CHD8: variants seen among roughly 807,000 people sequenced by gnomAD.
CHD8 encodes chromodomain helicase DNA binding protein 8.
In CHD8, 31 loss-of-function variants were observed where a neutral mutation model predicts 279.2. The observed-to-expected ratio is 0.11, with a 90% CI of 0.08 to 0.15. The LOEUF is 0.15. Among genes scored for constraint, CHD8 ranks in the 10% least tolerant of loss-of-function variants. The pLI, the probability that CHD8 is intolerant of heterozygous loss-of-function variation, is 1.00. For missense variants in CHD8, 2,146 were observed against 3,230.5 expected (o/e 0.66, Z 8.14); for synonymous variants, 1,081 against 1,139.6 (o/e 0.95, Z 1.04).
chr14:21,447,907 C>T (rs746501238), intron 1 of CHD8, among the ~76,000 whole-genome samples: 2 of 152,110 alleles, frequency 1.3e-5, no homozygotes, highest in Non-Finnish European at 2.9e-5. Context: ...AAATAATACT[C>T]TCTGTTCTAG....
intron 1 of CHD8, among the ~76,000 whole-genome samples, chr14:21,440,622 T>C (rs1014163716): frequency 2.0e-5 from 3 of 152,152 alleles, no homozygotes; most frequent in Admixed American, 1.3e-4. Flanking sequence ...AAACAAAGCA[T>C]AGCAATGAGA....
chr14:21,391,147 T>C (rs1327659231), intron 36 of CHD8, 84 bp from the exon 37 acceptor site: 1 of 907,362 alleles, frequency 1.1e-6, no homozygotes, highest in Non-Finnish European at 1.7e-6. Flanking sequence ...TTTTGTTTGA[T>C]AATAAACACT....
At chr14:21,414,178 T>C in intron 9 of CHD8, 123 bp downstream of exon 9, 1 of 612,488 alleles carries the variant, frequency 1.6e-6, no homozygotes, top group East Asian at 2.8e-5. Flanking sequence ...TGACCAAAAT[T>C]GAAAGTTTAC....
chr14:21,431,322 G>A lies in CHD8; in HGVS notation c.322C>T (p.Pro108Ser). The stretch of plus-strand genomic sequence containing the variant: ...GTTGGCGTCGATGTCTGTAAGACAG[G>A]TTGGGCTGGCTGCTCCTGGCTGGCA... Reference protein sequence around the residue: ...QPASQEQPAQPVLQTSTPTSG... With the variant: ...QPASQEQPAQSVLQTSTPTSG... The change falls in exon 2 of 38, where the codon CCT (proline) becomes TCT (serine). Residue 108 changes from proline (P) to serine (S), a missense_variant. Coordinates refer to ENST00000646647, the MANE Select transcript of CHD8 (RefSeq NM_001170629.2). 2 of 1,546,134 alleles carry A rather than the reference G, an allele frequency of 1.3e-6. No individual in the cohort carries two copies. The highest frequency in any genetic ancestry group is 1.7e-6 in the Non-Finnish European group (2 of 1,152,146).
Position 21,394,257 on chromosome 14 carries a change from C to G in CHD8, c.5599+20G>C. 6.2e-7 allele frequency: 1 copy of G among 1,613,774 alleles called. No individual in the cohort carries two copies. Among genetic ancestry groups the G allele is most frequent in the South Asian group, 1.1e-5 (1 of 91,062 alleles). Reference sequence around the variant, plus strand: ...GCTTCTGTTGGCATCCATCCTCACCCACTCTGCAATCTTGCTTACCATCTC... The same window carrying G: ...GCTTCTGTTGGCATCCATCCTCACCGACTCTGCAATCTTGCTTACCATCTC... On this transcript the variant is annotated intron_variant, in intron 31 of 37. Transcript: ENST00000646647.
intron 5 of CHD8, among the ~76,000 whole-genome samples, chr14:21,419,130 CTTTCT>C (rs1420005679): frequency 6.6e-6 from 1 of 152,142 alleles, no homozygotes; most frequent in East Asian, 1.9e-4. Context: ...CTAGAAGATA[CTTTCT>C]ACTTTTTACT....
rs1399229260 is a variant in CHD8 at position 21,399,218 on chromosome 14, T to C, written c.4921+384A>G. On this transcript the variant is annotated intron_variant, in intron 26 of 37. Transcript: ENST00000646647. The stretch of plus-strand genomic sequence containing the variant: ...ACTGCGACAAGATGATCTGCTGCAA[T>C]TGTTATGCTAGTGCACATCCAGAGG... 5 of 298,826 alleles carry C rather than the reference T, an allele frequency of 1.7e-5. No homozygotes were observed. The Admixed American group carries it at 2.3e-4, about 14-fold the overall frequency. 18.5% of individuals were successfully genotyped at this position (298,826 alleles called of 1,614,324 possible).
At chr14:21,435,092 AAAAGAG>A (rs912910939) in intron 1 of CHD8, among the ~76,000 whole-genome samples, 2 of 152,234 alleles carry the variant, frequency 1.3e-5, no homozygotes, top group Non-Finnish European at 2.9e-5. Flanking sequence ...ACCAGTCCCC[AAAAGAG>A]AAACACATGT....
At chr14:21,411,796 C>T (rs1458747500) in intron 10 of CHD8, among the ~76,000 whole-genome samples, 1 of 152,232 alleles carries the variant, frequency 6.6e-6, no homozygotes, top group Non-Finnish European at 1.5e-5. Context: ...GCGTAGGCGG[C>T]TCACGCCCGT....
intron 16 of CHD8, chr14:21,404,960 T>C: frequency 2.1e-6 from 1 of 470,174 alleles, no homozygotes; most frequent in Non-Finnish European, 3.8e-6. Context: ...GTCTCCAAAG[T>C]AGCTAGAACC....
rs986230099 is a variant in CHD8, at chr14:21,431,572, G to A, written c.72C>T (p.Ser24=). The A allele has an allele frequency of 3.3e-6, 5 of 1,537,110 alleles. No individual in the cohort carries two copies. In the African/African-American group the frequency reaches 6.8e-5, roughly 21 times the overall value. ...LFGLDSLTDD[S]FNQVTQDPIE... is the part of the protein sequence containing the mutation. ...TGGGGTCTTGTGTGACCTGGTTAAA[G>A]CTGTCATCAGTCAGAGAGTCCAGGC... is the stretch of plus-strand genomic sequence containing the variant. The change falls in exon 2 of 38, where the codon AGC becomes AGT. Residue 24 remains serine, a synonymous_variant. Coordinates refer to ENST00000646647, the MANE Select transcript of CHD8 (RefSeq NM_001170629.2).
At chr14:21,399,262 T>C in intron 26 of CHD8, 1 of 302,524 alleles carries the variant, frequency 3.3e-6, no homozygotes, top group South Asian at 3.3e-5. Flanking sequence ...ATAAATTAAG[T>C]GTGATTATTA....
intron 1 of CHD8, chr14:21,436,784 G>A: frequency 2.6e-6 from 1 of 387,940 alleles, no homozygotes; most frequent in Non-Finnish European, 5.0e-6. Flanking sequence ...GGGTAAAGAA[G>A]AAACTAGAGA....
intron 7 of CHD8, 98 bp downstream of exon 7, chr14:21,415,476 G>T: frequency 1.5e-6 from 1 of 668,796 alleles, no homozygotes. Context: ...CTGCACTTTA[G>T]CCTGGGTAAC....
At chr14:21,442,527 T>G (rs1038556692) in intron 1 of CHD8, among the ~76,000 whole-genome samples, 1 of 151,152 alleles carries the variant, frequency 6.6e-6, no homozygotes, top group African/African-American at 2.4e-5. Context: ...TGGTCTCAGC[T>G]ACTTGGGAGG....
Position 21,403,586 on chromosome 14 carries a change from C to T in CHD8, c.3385G>A (p.Val1129Ile). The T allele has an allele frequency of 6.2e-7, 1 of 1,612,208 alleles. No homozygotes were observed. Among genetic ancestry groups the T allele is most frequent in the Non-Finnish European group, 8.5e-7 (1 of 1,179,086 alleles). ...IPHDFHLQAM[V>I]RSAGKLVLID... ...AGAACCAGTTTGCCGGCTGAACGAA[C>T]CATGGCCTGCAGGTGAAAGTCATGA... is the stretch of plus-strand genomic sequence containing the variant. The change falls in exon 17 of 38, where the codon GTT becomes ATT. Residue 1129 changes from valine (V) to isoleucine (I), a missense_variant. This residue lies in a region of CHD8 where 48 missense variants were observed against 135.7 expected (regional missense o/e 0.35). Coordinates refer to ENST00000646647, the MANE Select transcript of CHD8 (RefSeq NM_001170629.2). This position sits in a 1 kb window ranked among gnomAD's most constrained non-coding sequence, Gnocchi z 4.3.
intron 1 of CHD8, among the ~76,000 whole-genome samples, chr14:21,450,927 G>T (rs916595957): frequency 4.6e-5 from 7 of 152,142 alleles, no homozygotes; most frequent in Admixed American, 1.3e-4. Flanking sequence ...ATGAAGCACA[G>T]TCCTGGAAAT....
At position 21,401,413 on chromosome 14, in the gene CHD8, A is replaced by G; in HGVS notation, c.4163T>C (p.Leu1388Pro). The G allele has an allele frequency of 1.3e-6, 2 of 1,588,696 alleles. No homozygotes were observed. The highest frequency in any genetic ancestry group is 1.7e-6 in the Non-Finnish European group (2 of 1,166,948). ...AKKADLDMDL[L>P]NSKNNLVIDT... ...AAAGAAGAAACTCACCTTGCTGTTGAGCAGATCCATGTCTAGGTCAGCCTT... is the reference window on the plus strand; with the variant it reads ...AAAGAAGAAACTCACCTTGCTGTTGGGCAGATCCATGTCTAGGTCAGCCTT... Residue 1388 changes from leucine (L) to proline (P), a missense_variant, in exon 21 of 38, where the codon CTC becomes CCC. Coordinates refer to ENST00000646647, the MANE Select transcript of CHD8 (RefSeq NM_001170629.2).
intron 36 of CHD8, 112 bp downstream of exon 36, chr14:21,391,351 T>C (rs1887528850): frequency 2.0e-6 from 2 of 1,001,060 alleles, no homozygotes; most frequent in East Asian, 5.2e-5. Context: ...ATTATTACCC[T>C]TATCTTGCAG....
Sources: allele counts gnomAD v4.1 joint callset (sites outside exome capture counted in the v4.1 genomes callset), GRCh38; gene constraint gnomAD v4.1.1; regional missense constraint gnomAD v4.1.1; non-coding constraint Gnocchi (gnomAD v3.1); transcripts MANE v1.5; gene names NCBI Gene and HGNC (gene_info 2026-07-23, HGNC 2026-07-21).